The following BCO1 variants were observed in gnomAD, a reference collection of about 807,000 sequenced individuals.
BCO1 encodes the protein beta-carotene oxygenase 1, also known as beta,beta-carotene 15,15'-dioxygenase.
A neutral mutation model predicts 56.3 loss-of-function variants in BCO1; 54 were observed. That is an observed-to-expected ratio of 0.96 (90% CI 0.77 to 1.20). BCO1 has a LOEUF of 1.20. Among genes scored for constraint, BCO1 ranks in the 50% most tolerant of loss-of-function variants. The pLI, the probability that BCO1 is intolerant of heterozygous loss-of-function variation, is 0.00. For missense variants in BCO1, 801 were observed against 690.9 expected (o/e 1.16, Z -1.79); for synonymous variants, 318 against 266.1 (o/e 1.20, Z -1.90).
At chr16:81,272,239 A>C (rs908830762) in intron 7 of BCO1, among the ~76,000 whole-genome samples, 2 of 149,306 alleles carry the variant, frequency 1.3e-5, no homozygotes, top group South Asian at 4.2e-4. Context: ...TCAGCCTCCC[A>C]AGTAGCTGGG....
rs57961725 is a variant in BCO1 at position 81,254,295 on chromosome 16, ATTTTTTTTTTT to A, written c.194-5364_194-5354del. 3.0e-3 allele frequency among the ~76,000 whole-genome samples: 231 copies of A among 78,286 alleles called. 3 individuals carry two copies. The highest frequency in any genetic ancestry group is 0.012 in the African/African-American group (212 of 17,332). The allele number at this position is 78,286 out of a possible 152,430, so 51.4% of individuals were successfully genotyped here. A position where few individuals can be genotyped will look rare whatever the true frequency, so the allele number is the denominator to read the frequency against. The stretch of plus-strand genomic sequence containing the variant: ...GGGTGCGTGCCACCACGCCCGGCTA[ATTTTTTTTTTT>A]TTTTTTTTTTTTTTTTGTATTTTTA... On this transcript the variant is annotated intron_variant, in intron 2 of 10. Coordinates refer to ENST00000258168, the MANE Select transcript of BCO1 (RefSeq NM_017429.3).
At chr16:81,242,688 G>A (rs1905188246) in intron 1 of BCO1, among the ~76,000 whole-genome samples, 1 of 152,074 alleles carries the variant, frequency 6.6e-6, no homozygotes, top group South Asian at 2.1e-4. Context: ...CACACCATGG[G>A]TGGAGACAAC....
chr16:81,278,395 C>T (rs576846653), intron 7 of BCO1, among the ~76,000 whole-genome samples: 1 of 152,278 alleles, frequency 6.6e-6, no homozygotes, highest in East Asian at 1.9e-4. Flanking sequence ...TTTGTCTCTG[C>T]ATTTCCTCTC....
At position 81,272,084 on chromosome 16, in the gene BCO1, C is replaced by T. The variant is rs1480683793; in HGVS notation, c.1101+1668C>T. On this transcript the variant is annotated intron_variant, in intron 7 of 10. Transcript: ENST00000258168. ...CTTTTTATGGATTAATAGGTACATA[C>T]TATCTTACAGACTGCTTTTCTTTTC... Among the ~76,000 whole-genome samples, 4 of 147,882 alleles carry T rather than the reference C, an allele frequency of 2.7e-5. No individual in the cohort carries two copies. In the South Asian group the frequency reaches 6.6e-4, roughly 24 times the overall value.
intron 4 of BCO1, 45 bp downstream of exon 4, chr16:81,262,328 G>A: frequency 6.3e-7 from 1 of 1,595,456 alleles, no homozygotes. Flanking sequence ...ACTCAAGAAA[G>A]GGAGAGTCGG....
intron 2 of BCO1, among the ~76,000 whole-genome samples, chr16:81,257,879 C>CAA (rs529236932): frequency 1.6e-3 from 103 of 66,046 alleles, no homozygotes; most frequent in African/African-American, 4.8e-3. Flanking sequence ...GACTCCATCT[C>CAA]AAAAAAAAAA....
At position 81,247,468 on chromosome 16, in the gene BCO1, A is replaced by T. The variant is rs144880929; in HGVS notation, c.193+1865A>T. ...GCTTGATCCCAGGAGTTCCAGACCA[A>T]TCTGTGCAACATAGTGAGACCCCAT... On this transcript the variant is annotated intron_variant, in intron 2 of 10. Transcript: ENST00000258168. Among the ~76,000 whole-genome samples the T allele has an allele frequency of 4.8e-3, 724 of 152,230 alleles. 4 individuals are homozygous for T. Among genetic ancestry groups the T allele is most frequent in the African/African-American group, 0.017 (692 of 41,546 alleles).
At chr16:81,258,486 G>A (rs1237168089) in intron 2 of BCO1, among the ~76,000 whole-genome samples, 1 of 152,184 alleles carries the variant, frequency 6.6e-6, no homozygotes, top group Non-Finnish European at 1.5e-5. Flanking sequence ...GATCAACTGG[G>A]CTTCTGGAGG....
intron 2 of BCO1, among the ~76,000 whole-genome samples, chr16:81,249,088 C>CTTT (rs1905615991): frequency 8.4e-6 from 1 of 119,450 alleles, no homozygotes; most frequent in Non-Finnish European, 1.8e-5. Context: ...TGGTCTCTTT[C>CTTT]TTTCTTTTTT....
chr16:81,262,543 A>G, intron 4 of BCO1: 3 of 445,296 alleles, frequency 6.7e-6, no homozygotes, highest in African/African-American at 2.0e-5. Context: ...AACAACAGAA[A>G]TTGGCTGGGT....
intron 1 of BCO1, 133 bp downstream of exon 1, chr16:81,239,105 C>G: frequency 2.7e-6 from 2 of 736,848 alleles, no homozygotes; most frequent in Non-Finnish European, 4.4e-6. Context: ...CAACCTCTGC[C>G]TCCTGGGTTC....
chr16:81,250,839 C>G (rs946442465), intron 2 of BCO1, among the ~76,000 whole-genome samples: 1 of 152,128 alleles, frequency 6.6e-6, no homozygotes, highest in Admixed American at 6.5e-5. Context: ...CCTGGGCCTT[C>G]CAAAGTGCTG....
chr16:81,242,192 CTTTTTTTTTT>C (rs796252592), intron 1 of BCO1, among the ~76,000 whole-genome samples: 3 of 78,756 alleles, frequency 3.8e-5, no homozygotes, highest in East Asian at 3.8e-4. Context: ...ACTTGGCTGT[CTTTTTTTTTT>C]TTTTTTTTTT....
At chr16:81,283,846 T>C (rs1442958176) in intron 8 of BCO1, among the ~76,000 whole-genome samples, 1 of 151,820 alleles carries the variant, frequency 6.6e-6, no homozygotes, top group African/African-American at 2.4e-5. Context: ...CATTTCAGTA[T>C]TCAGACTTAG....
intron 9 of BCO1, among the ~76,000 whole-genome samples, chr16:81,286,148 A>G (rs981916590): frequency 6.6e-6 from 1 of 152,030 alleles, no homozygotes; most frequent in African/African-American, 2.4e-5. Flanking sequence ...TCAGCCACCA[A>G]AAGTGCTGGA....
intron 7 of BCO1, among the ~76,000 whole-genome samples, chr16:81,275,463 G>C (rs11860500): frequency 6.6e-6 from 1 of 152,346 alleles, no homozygotes; most frequent in Non-Finnish European, 1.5e-5. Context: ...AGCTGAGTCC[G>C]TATCCTCTAA....
intron 4 of BCO1, chr16:81,263,067 C>G (rs1906596270): frequency 6.6e-6 from 1 of 151,226 alleles, no homozygotes; most frequent in South Asian, 2.1e-4. Context: ...TCAGTCTTCA[C>G]ACTGCCTCTC....
chr16:81,262,160 C>G lies in BCO1; in HGVS notation c.348C>G (p.Thr116=), dbSNP rs759672104. Residue 116 remains threonine (T), a synonymous_variant, in exon 4 of 11, where the codon ACC becomes ACG. Transcript: ENST00000258168. Reference sequence around the variant, plus strand: ...GAGCTTTCTCCTACTTGTCTCACACCATCCCCGATTTCACCGACAACTGCC... The same window carrying G: ...GAGCTTTCTCCTACTTGTCTCACACGATCCCCGATTTCACCGACAACTGCC... ...FSKAFSYLSH[T]IPDFTDNCLI... 2.5e-6 allele frequency: 4 copies of G among 1,614,004 alleles called. No homozygotes were observed. Among genetic ancestry groups the G allele is most frequent in the Non-Finnish European group, 3.4e-6 (4 of 1,180,000 alleles).
At position 81,259,391 on chromosome 16, in the gene BCO1, G is replaced by A. The variant is rs561960913; in HGVS notation, c.194-285G>A. ...TGCCTATAATCCTAGCCACTCAGGA[G>A]GCTGAGTCAGGAGAATCACTTGAAC... On this transcript the variant is annotated intron_variant, in intron 2 of 10. Transcript: ENST00000258168. Among the ~76,000 whole-genome samples the A allele has an allele frequency of 1.6e-4, 24 of 152,250 alleles. No homozygotes were observed. The South Asian group carries it at 4.8e-3, about 30-fold the overall frequency.
Sources: allele counts gnomAD v4.1 joint callset (sites outside exome capture counted in the v4.1 genomes callset), GRCh38; gene constraint gnomAD v4.1.1; transcripts MANE v1.5; gene names NCBI Gene and HGNC (gene_info 2026-07-23, HGNC 2026-07-21).